Variants in CASZ1 observed in about 807,000 individuals in gnomAD.
The protein encoded by CASZ1 is castor zinc finger 1.
In CASZ1, 28 loss-of-function variants were observed where a neutral mutation model predicts 135.2. The observed-to-expected ratio is 0.21, with a 90% CI of 0.15 to 0.28. The LOEUF is 0.28. CASZ1 is among the 10% of genes least tolerant of loss of function. The probability of loss-of-function intolerance (pLI) is 1.00; values close to 1 mark genes in which losing one functional copy is unlikely to be tolerated. For missense variants in CASZ1, 2,161 were observed against 2,453.3 expected (o/e 0.88, Z 2.52); for synonymous variants, 1,068 against 1,073.4 (o/e 0.99, Z 0.10).
chr1:10,765,945 ACAAT>A (rs1404182674), intron 1 of CASZ1, among the ~76,000 whole-genome samples: 5 of 152,138 alleles, frequency 3.3e-5, no homozygotes, highest in Non-Finnish European at 5.9e-5. Flanking sequence ...TGTGCCAAAA[ACAAT>A]CAATTCCAGG....
At chr1:10,732,524 C>A (rs1415377435) in intron 2 of CASZ1, among the ~76,000 whole-genome samples, 3 of 152,110 alleles carry the variant, frequency 2.0e-5, no homozygotes, top group Admixed American at 1.3e-4. Context: ...TGGCCCACAG[C>A]TGGCCTTAGA....
chr1:10,772,437 A>ACC (rs1640592795), intron 1 of CASZ1, among the ~76,000 whole-genome samples: 1 of 152,090 alleles, frequency 6.6e-6, no homozygotes, highest in Admixed American at 6.5e-5. Context: ...TCTGCGGGGG[A>ACC]AGGCTGAGGA....
At chr1:10,690,665 T>G (rs1638736374) in intron 4 of CASZ1, among the ~76,000 whole-genome samples, 1 of 151,560 alleles carries the variant, frequency 6.6e-6, no homozygotes, top group African/African-American at 2.4e-5. Flanking sequence ...GGCAGCACTG[T>G]CCCTCACCGG....
In CASZ1 at chr1:10,720,637, T is replaced by C. The variant is rs1639480204; in HGVS notation, c.-76-15093A>G. ...TCCTAATATGGGCCCAGCAGCTTTC[T>C]GGGTTATTTCGAGTACATGTGATAA... On this transcript the variant is annotated intron_variant, in intron 2 of 20. Coordinates refer to ENST00000377022, the MANE Select transcript of CASZ1 (RefSeq NM_001079843.3). The surrounding 1 kb of genome is among the most constrained non-coding windows in gnomAD (Gnocchi z 5.7). Among the ~76,000 whole-genome samples, 1 of 152,222 alleles carries C rather than the reference T, an allele frequency of 6.6e-6. No homozygotes were observed. The highest frequency in any genetic ancestry group is 1.5e-5 in the Non-Finnish European group (1 of 68,034).
chr1:10,665,720 C>G, intron 4 of CASZ1, 149 bp from the exon 5 acceptor site: 1 of 838,186 alleles, frequency 1.2e-6, no homozygotes, highest in South Asian at 1.9e-5. Flanking sequence ...TGGCATGTGT[C>G]TATCTCCCCC....
At chr1:10,640,120 T>C (rs1642152536) in intron 20 of CASZ1, 61 bp from the exon 21 acceptor site, 1 of 1,543,038 alleles carries the variant, frequency 6.5e-7, no homozygotes, top group South Asian at 1.2e-5. Context: ...ATCAACAGGG[T>C]TACACCCACA....
At position 10,727,995 on chromosome 1, in the gene CASZ1, C is replaced by T. The variant is rs12057815; in HGVS notation, c.-76-22451G>A. 0.042 allele frequency among the ~76,000 whole-genome samples: 6,414 copies of T among 152,340 alleles called. 437 individuals are homozygous for T. Among genetic ancestry groups the T allele is most frequent in the African/African-American group, 0.14 (5,895 of 41,570 alleles). ...CTGGGCATCTGCTGGCACAGCAGCA[C>T]GTGAAGAACGAGGGGTCCTACCACC... On this transcript the variant is annotated intron_variant, in intron 2 of 20. Coordinates refer to ENST00000377022, the MANE Select transcript of CASZ1 (RefSeq NM_001079843.3). This position sits in a 1 kb window ranked among gnomAD's most constrained non-coding sequence, Gnocchi z 5.3.
chr1:10,646,250 C>G lies in CASZ1; in HGVS notation c.3574G>C (p.Val1192Leu). Residue 1192 changes from valine to leucine, a missense_variant, in exon 17 of 21, where the codon GTC becomes CTC. Val to Leu is a conservative substitution (Grantham distance 32). Transcript: ENST00000377022. This position sits in a 1 kb window ranked among gnomAD's most constrained non-coding sequence, Gnocchi z 6.4. ...TCGGCCTTGCCAGACGTTTTGCAGA[C>G]GTACTTGCAGTTCCCAAAGAGACAG... ...FHCLFGNCKY[V>L]CKTSGKAESH... The G allele has an allele frequency of 6.2e-7, 1 of 1,614,160 alleles. No individual in the cohort carries two copies. Among genetic ancestry groups the G allele is most frequent in the South Asian group, 1.1e-5 (1 of 91,082 alleles).
At chr1:10,716,642 G>C (rs1293921828) in intron 2 of CASZ1, among the ~76,000 whole-genome samples, 4 of 152,200 alleles carry the variant, frequency 2.6e-5, no homozygotes, top group Non-Finnish European at 5.9e-5. Flanking sequence ...GGCGGAAGTG[G>C]CACTCTGCTG....
chr1:10,681,003 C>T (rs1014179522), intron 4 of CASZ1, among the ~76,000 whole-genome samples: 3 of 152,162 alleles, frequency 2.0e-5, no homozygotes, highest in African/African-American at 7.2e-5. Context: ...TGGATTCAAG[C>T]GATTCTCCTG....
intron 20 of CASZ1, among the ~76,000 whole-genome samples, chr1:10,641,737 C>T (rs1642207808): frequency 6.6e-6 from 1 of 152,230 alleles, no homozygotes; most frequent in Admixed American, 6.5e-5. Context: ...GCAGACCCTA[C>T]AGGGCCTCCG....
chr1:10,716,882 C>G (rs74052172), intron 2 of CASZ1, among the ~76,000 whole-genome samples: 1 of 152,196 alleles, frequency 6.6e-6, no homozygotes, highest in Non-Finnish European at 1.5e-5. Flanking sequence ...TTGTACAGAG[C>G]GGGGGTCCCT....
At chr1:10,682,856 G>A (rs75932377) in intron 4 of CASZ1, among the ~76,000 whole-genome samples, 5 of 152,248 alleles carry the variant, frequency 3.3e-5, no homozygotes, top group Admixed American at 6.5e-5. Context: ...CCTTGGAGGC[G>A]TGGTGCCATC....
At chr1:10,656,585 C>G in intron 8 of CASZ1, 61 bp downstream of exon 8, 2 of 1,328,140 alleles carry the variant, frequency 1.5e-6, no homozygotes, top group South Asian at 2.5e-5. Flanking sequence ...CTGCCGACTT[C>G]TAAGCGCCTC....
At chr1:10,673,098 C>A (rs544614248) in intron 4 of CASZ1, among the ~76,000 whole-genome samples, 1 of 150,774 alleles carries the variant, frequency 6.6e-6, no homozygotes, top group South Asian at 2.1e-4. Context: ...GCCTGGGGAC[C>A]GGGAGGGCCC....
intron 5 of CASZ1, chr1:10,661,536 C>T (rs1032897538): frequency 1.3e-5 from 2 of 150,666 alleles, no homozygotes; most frequent in African/African-American, 5.0e-5. Flanking sequence ...AACACACACA[C>T]AGTGACATTC....
chr1:10,654,303 G>A (rs780555432), intron 10 of CASZ1, 85 bp from the exon 11 acceptor site: 16 of 1,578,412 alleles, frequency 1.0e-5, no homozygotes, highest in South Asian at 8.3e-5. Context: ...ACAGTCCCCC[G>A]GGTGGAAAAC....
In CASZ1 at chr1:10,639,017, C is replaced by T. The variant is rs756031581; in HGVS notation, c.5205G>A (p.Ala1735=). ...CCAGCGCCGCCAAGGCCGGGGTCCGCGCGCCCGCGCCCGCCGCCTCCGCCG... is the reference window on the plus strand; with the variant it reads ...CCAGCGCCGCCAAGGCCGGGGTCCGTGCGCCCGCGCCCGCCGCCTCCGCCG... ...EAAAEAAGAG[A]RTPALAALAA... Residue 1735 remains alanine (A), a synonymous_variant, in exon 21 of 21, where the codon GCG becomes GCA. Transcript: ENST00000377022. This position sits in a 1 kb window ranked among gnomAD's most constrained non-coding sequence, Gnocchi z 4.0. The T allele has an allele frequency of 2.0e-4, 202 of 1,001,724 alleles. No individual in the cohort carries two copies. The African/African-American group carries it at 3.2e-3, about 16-fold the overall frequency. The allele number at this position is 1,001,724 out of a possible 1,614,324, so 62.1% of individuals were successfully genotyped here. A position where few individuals can be genotyped will look rare whatever the true frequency, so the allele number is the denominator to read the frequency against.
In CASZ1 at chr1:10,776,906, AC is replaced by A. The variant is rs1640671516; in HGVS notation, c.-233-16050del. ...ACAGAAGCAGTCCCTAAAACCAGTCACCCCCAAACACAGCCCCACCATCTGA... is the reference window on the plus strand; with the variant it reads ...ACAGAAGCAGTCCCTAAAACCAGTCACCCCAAACACAGCCCCACCATCTGA... On this transcript the variant is annotated intron_variant, in intron 1 of 20. Coordinates refer to ENST00000377022, the MANE Select transcript of CASZ1 (RefSeq NM_001079843.3). The surrounding 1 kb of genome is among the most constrained non-coding windows in gnomAD (Gnocchi z 4.1). Among the ~76,000 whole-genome samples, 2 of 151,808 alleles carry A rather than the reference AC, an allele frequency of 1.3e-5. No individual in the cohort carries two copies. The highest frequency in any genetic ancestry group is 2.1e-4 in the South Asian group (1 of 4,818).
Sources: gnomAD v4.1 joint callset for allele counts (sites outside exome capture counted in the v4.1 genomes callset) on GRCh38, gnomAD v4.1.1 for gene constraint, Gnocchi (gnomAD v3.1) non-coding constraint, MANE v1.5 for transcripts, NCBI Gene and HGNC (gene_info 2026-07-23, HGNC 2026-07-21) for gene names.